The following TAF8 variants were observed in gnomAD, a reference collection of about 807,000 sequenced individuals.
TAF8 encodes transcription initiation factor TFIID subunit 8.
A neutral mutation model predicts 36.5 loss-of-function variants in TAF8; 47 were observed. The ratio of observed to expected loss-of-function variants is 1.29; its 90% confidence interval spans 1.02 to 1.64. TAF8 has a LOEUF of 1.64. TAF8 is among the 40% of genes most tolerant of loss of function. The probability of loss-of-function intolerance (pLI) is 0.00; values close to 1 mark genes in which losing one functional copy is unlikely to be tolerated. For synonymous variants in TAF8, 175 were observed against 159.5 expected, an observed-to-expected ratio of 1.10 and a Z score of -0.73; for missense variants, 420 against 407.6, an observed-to-expected ratio of 1.03 and a Z score of -0.26.
intron 2 of TAF8, 102 bp downstream of exon 2, chr6:42,051,615 C>G: frequency 1.4e-6 from 2 of 1,416,626 alleles, no homozygotes; most frequent in Non-Finnish European, 1.9e-6. Context: ...AAACTTTTTT[C>G]TTAAGAGGGG....
In TAF8 at chr6:42,080,652, C is replaced by T. The variant is rs757344938; in HGVS notation, c.*3107C>T. 4.1e-6 allele frequency: 4 copies of T among 978,838 alleles called. No individual in the cohort carries two copies. Among genetic ancestry groups the T allele is most frequent in the Admixed American group, 6.2e-5 (1 of 16,254 alleles). The allele number at this position is 978,838 out of a possible 1,614,324, so 60.6% of individuals were successfully genotyped here. Reference sequence around the variant, plus strand: ...CGGCCTCCCAGTGTGGGTGGGATTACAGGCATGAGCCACCGCGCCTGGCCT... The same window carrying T: ...CGGCCTCCCAGTGTGGGTGGGATTATAGGCATGAGCCACCGCGCCTGGCCT... On this transcript the variant is annotated 3_prime_UTR_variant, in exon 9 of 9. Transcript: ENST00000372977.
chr6:42,077,449 C>A, intron 8 of TAF8, 84 bp from the exon 9 acceptor site: 1 of 1,584,072 alleles, frequency 6.3e-7, no homozygotes, highest in Non-Finnish European at 8.6e-7. Flanking sequence ...GGGACCAACC[C>A]TCACAGCACT....
chr6:42,067,954 T>C (rs769118997), intron 6 of TAF8, among the ~76,000 whole-genome samples: 3 of 152,210 alleles, frequency 2.0e-5, no homozygotes, highest in Non-Finnish European at 4.4e-5. Flanking sequence ...GACCAGAGTG[T>C]CTTACAGCTC....
rs1012288095 is a variant in TAF8 at position 42,077,784 on chromosome 6, C to T, written c.*239C>T. 27 of 1,335,622 alleles carry T rather than the reference C, an allele frequency of 2.0e-5. No individual in the cohort carries two copies. Among genetic ancestry groups the T allele is most frequent in the Non-Finnish European group, 2.5e-5 (26 of 1,030,864 alleles). 82.7% of individuals were successfully genotyped at this position (1,335,622 alleles called of 1,614,324 possible). Reference sequence around the variant, plus strand: ...TTTTTTTTTTATTTTGAGATGGAGTCTTACTCTATCACCCAGGCTGGAATG... The same window carrying T: ...TTTTTTTTTTATTTTGAGATGGAGTTTTACTCTATCACCCAGGCTGGAATG... On this transcript the variant is annotated 3_prime_UTR_variant, in exon 9 of 9. Coordinates refer to ENST00000372977, the MANE Select transcript of TAF8 (RefSeq NM_138572.3).
intron 5 of TAF8, among the ~76,000 whole-genome samples, chr6:42,060,973 G>A (rs1263685843): frequency 6.6e-6 from 1 of 152,112 alleles, no homozygotes; most frequent in Non-Finnish European, 1.5e-5. Context: ...AATTTCTCTT[G>A]ACTCTGAAAA....
Position 42,078,253 on chromosome 6 carries a change from T to G in TAF8, c.*708T>G, listed in dbSNP as rs560191733. On this transcript the variant is annotated 3_prime_UTR_variant, in exon 9 of 9. Coordinates refer to ENST00000372977, the MANE Select transcript of TAF8 (RefSeq NM_138572.3). ...TAGCAGCAGCCAGTGACTTCGTTCA[T>G]TATCACAGGATTTGATTCCTTTGAA... is the stretch of plus-strand genomic sequence containing the variant. 56 of 985,496 alleles carry G rather than the reference T, an allele frequency of 5.7e-5. No homozygotes were observed. In the African/African-American group the frequency reaches 9.4e-4, roughly 17 times the overall value. 61.0% of individuals were successfully genotyped at this position (985,496 alleles called of 1,614,324 possible). A position where few individuals can be genotyped will look rare whatever the true frequency, so the allele number is the denominator to read the frequency against.
chr6:42,085,720 C>T (rs1182794958), downstream of TAF8, among the ~76,000 whole-genome samples: 2 of 152,066 alleles, frequency 1.3e-5, no homozygotes, highest in South Asian at 2.1e-4. Flanking sequence ...CACGGTGGCT[C>T]ACGCCTGTAA....
intron 5 of TAF8, among the ~76,000 whole-genome samples, chr6:42,064,283 C>T (rs1015996377): frequency 2.0e-5 from 3 of 151,942 alleles, no homozygotes; most frequent in Non-Finnish European, 4.4e-5. Flanking sequence ...GACAGAGTCT[C>T]GCTCAGTCCC....
intron 5 of TAF8, among the ~76,000 whole-genome samples, chr6:42,062,596 G>A (rs1337808181): frequency 1.4e-5 from 2 of 140,374 alleles, no homozygotes; most frequent in East Asian, 2.1e-4. Context: ...GTGCAGTGGT[G>A]CGATCTCAGC....
chr6:42,078,680 A>T lies in TAF8; in HGVS notation c.*1135A>T. On this transcript the variant is annotated 3_prime_UTR_variant, in exon 9 of 9. Coordinates refer to ENST00000372977, the MANE Select transcript of TAF8 (RefSeq NM_138572.3). ...CGGGGCAGCACTCTCCTCCTGAGAG[A>T]TTTACCATTTATTGCCCCTGTGAGG... is the stretch of plus-strand genomic sequence containing the variant. The T allele has an allele frequency of 1.0e-6, 1 of 985,372 alleles. No homozygotes were observed. Among genetic ancestry groups the T allele is most frequent in the Non-Finnish European group, 1.2e-6 (1 of 829,922 alleles). The allele number at this position is 985,372 out of a possible 1,614,324, so 61.0% of individuals were successfully genotyped here. A position where few individuals can be genotyped will look rare whatever the true frequency, so the allele number is the denominator to read the frequency against.
intron 6 of TAF8, 152 bp from the exon 7 acceptor site, chr6:42,068,313 A>G: frequency 1.3e-6 from 1 of 782,456 alleles, no homozygotes; most frequent in Non-Finnish European, 2.1e-6. Flanking sequence ...AGCCCGTAGA[A>G]CATTGCCTGG....
At chr6:42,056,685 A>G (rs927945072) in intron 4 of TAF8, among the ~76,000 whole-genome samples, 1 of 152,118 alleles carries the variant, frequency 6.6e-6, no homozygotes. Context: ...TGACTACTGC[A>G]ACCTCTGCCT....
Position 42,077,705 on chromosome 6 carries a change from C to A in TAF8, c.*160C>A, listed in dbSNP as rs1765803153. 1 of 1,474,318 alleles carries A rather than the reference C, an allele frequency of 6.8e-7. No individual in the cohort carries two copies. The highest frequency in any genetic ancestry group is 2.5e-5 in the East Asian group (1 of 40,270). 91.3% of individuals were successfully genotyped at this position (1,474,318 alleles called of 1,614,324 possible). A position where few individuals can be genotyped will look rare whatever the true frequency, so the allele number is the denominator to read the frequency against. Reference sequence around the variant, plus strand: ...ATGGCAAACCGTCTTATTAAGATGACCTATTTTCACTGGATGTTTGGGTTG... The same window carrying A: ...ATGGCAAACCGTCTTATTAAGATGAACTATTTTCACTGGATGTTTGGGTTG... On this transcript the variant is annotated 3_prime_UTR_variant, in exon 9 of 9. Coordinates refer to ENST00000372977, the MANE Select transcript of TAF8 (RefSeq NM_138572.3).
At chr6:42,073,688 G>A (rs893351038) in intron 7 of TAF8, among the ~76,000 whole-genome samples, 6 of 152,150 alleles carry the variant, frequency 3.9e-5, no homozygotes, top group African/African-American at 1.4e-4. Context: ...GGGAGGGAGG[G>A]TCAGATTGGG....
At chr6:42,068,660 G>C (rs1050996340) in intron 7 of TAF8, 53 bp downstream of exon 7, 51 of 1,595,522 alleles carry the variant, frequency 3.2e-5, no homozygotes, top group Non-Finnish European at 3.7e-5. Context: ...GTCGCACACT[G>C]CCCTCAGTCT....
intron 7 of TAF8, chr6:42,071,311 CTTTTTT>C (rs70987566): frequency 9.9e-4 from 120 of 121,660 alleles, no homozygotes; most frequent in South Asian, 1.8e-3. Flanking sequence ...CCTGGACATA[CTTTTTT>C]TTTTTTTTTT....
chr6:42,065,898 T>A (rs74892110), intron 5 of TAF8, among the ~76,000 whole-genome samples: 2,984 of 152,274 alleles, frequency 0.02, 50 homozygotes, highest in Non-Finnish European at 0.029. Flanking sequence ...AATTTAATTT[T>A]ATTTATTTAT....
chr6:42,065,788 A>G (rs2127457697), intron 5 of TAF8, among the ~76,000 whole-genome samples: 1 of 152,354 alleles, frequency 6.6e-6, no homozygotes, highest in South Asian at 2.1e-4. Context: ...ACATTTCTTA[A>G]TTTTTAATTA....
chr6:42,081,610 C>A lies in TAF8; in HGVS notation c.*4065C>A, dbSNP rs1765928256. On this transcript the variant is annotated 3_prime_UTR_variant, in exon 9 of 9. Coordinates refer to ENST00000372977, the MANE Select transcript of TAF8 (RefSeq NM_138572.3). ...GGTCTCGATCTCCTGACCTCATGAT[C>A]CGCCCGCCTCGGCCTCCCAAAGTGC... The A allele has an allele frequency of 6.6e-6, 1 of 152,166 alleles. No individual in the cohort carries two copies. 9.4% of individuals were successfully genotyped at this position (152,166 alleles called of 1,614,324 possible).
Sources: allele counts gnomAD v4.1 joint callset (sites outside exome capture counted in the v4.1 genomes callset), GRCh38; gene constraint gnomAD v4.1.1; transcripts MANE v1.5; gene names NCBI Gene and HGNC (gene_info 2026-07-23, HGNC 2026-07-21).